Variants in MYO1D observed in about 807,000 individuals in gnomAD.
The protein encoded by MYO1D is unconventional myosin-Id.
A neutral mutation model predicts 122.0 loss-of-function variants in MYO1D; 83 were observed. The observed-to-expected ratio is 0.68, with a 90% CI of 0.57 to 0.82. The LOEUF is 0.82. Among genes scored for constraint, MYO1D ranks in the 40% least tolerant of loss-of-function variants. MYO1D has a pLI of 0.00. For missense variants in MYO1D, 1,157 were observed against 1,269.5 expected, an observed-to-expected ratio of 0.91 and a Z score of 1.35; for synonymous variants, 464 against 446.9, an observed-to-expected ratio of 1.04 and a Z score of -0.48.
rs181445664 is a variant in MYO1D, at chr17:32,535,810, A to G, written c.2865-40895T>C. 2.6e-3 allele frequency among the ~76,000 whole-genome samples: 399 copies of G among 152,324 alleles called. 4 individuals carry two copies. Among genetic ancestry groups the G allele is most frequent in the African/African-American group, 9.2e-3 (383 of 41,572 alleles). On this transcript the variant is annotated intron_variant, in intron 21 of 21. Coordinates refer to ENST00000318217, the MANE Select transcript of MYO1D (RefSeq NM_015194.3). ...TTATAGAATATTTATACAAAACTCA[A>G]TAGCGTTTAGATAATATCTTTGAGG...
chr17:32,751,243 C>T (rs563605846), intron 11 of MYO1D, among the ~76,000 whole-genome samples: 6 of 152,156 alleles, frequency 3.9e-5, no homozygotes, highest in Non-Finnish European at 8.8e-5. Flanking sequence ...AGACAGAAAC[C>T]TCTAATTTAA....
At chr17:32,876,755 GC>G (rs755228138) in intron 1 of MYO1D, 22 bp downstream of exon 1, 6 of 1,488,086 alleles carry the variant, frequency 4.0e-6, no homozygotes, top group Middle Eastern at 1.7e-4. Context: ...TCGCGCCCCT[GC>G]GCGCGGCCGC....
At chr17:32,762,547 A>C (rs2090011999) in intron 8 of MYO1D, among the ~76,000 whole-genome samples, 1 of 152,098 alleles carries the variant, frequency 6.6e-6, no homozygotes, top group Non-Finnish European at 1.5e-5. Context: ...CCCCCATAAC[A>C]TTCTCCATAC....
chr17:32,822,160 G>C (rs112202309), intron 1 of MYO1D, among the ~76,000 whole-genome samples: 5,450 of 152,242 alleles, frequency 0.036, 320 homozygotes, highest in African/African-American at 0.12. Context: ...TTAAGAAAAT[G>C]TGGCACATAT....
At chr17:32,629,609 G>A (rs1461607178) in intron 20 of MYO1D, among the ~76,000 whole-genome samples, 8 of 151,970 alleles carry the variant, frequency 5.3e-5, no homozygotes, top group Non-Finnish European at 1.2e-4. Context: ...GGTGGCGGGC[G>A]CCTGTAATTC....
chr17:32,874,844 C>A (rs1256870252), intron 1 of MYO1D, among the ~76,000 whole-genome samples: 1 of 152,036 alleles, frequency 6.6e-6, no homozygotes, highest in Admixed American at 6.5e-5. Flanking sequence ...CCTTAGTAAT[C>A]TATTTTGAGA....
At chr17:32,550,028 T>C (rs2086997736) in intron 21 of MYO1D, among the ~76,000 whole-genome samples, 2 of 152,132 alleles carry the variant, frequency 1.3e-5, no homozygotes, top group Non-Finnish European at 2.9e-5. Context: ...TCAGTATTAA[T>C]AATATGTTAG....
intron 21 of MYO1D, among the ~76,000 whole-genome samples, chr17:32,587,285 G>A (rs2087396999): frequency 6.6e-6 from 1 of 152,196 alleles, no homozygotes; most frequent in Non-Finnish European, 1.5e-5. Context: ...GCTGAGGTGA[G>A]CGGAACACTT....
chr17:32,538,380 G>A (rs954752564), intron 21 of MYO1D, among the ~76,000 whole-genome samples: 1 of 151,674 alleles, frequency 6.6e-6, no homozygotes, highest in African/African-American at 2.4e-5. Context: ...GAGCTCCTGG[G>A]CTCAAGTGAT....
At chr17:32,857,784 A>C (rs1227431948) in intron 1 of MYO1D, among the ~76,000 whole-genome samples, 1 of 152,066 alleles carries the variant, frequency 6.6e-6, no homozygotes, top group Admixed American at 6.6e-5. Flanking sequence ...TTCCTTAACC[A>C]CCAAAGCTCA....
intron 20 of MYO1D, among the ~76,000 whole-genome samples, chr17:32,611,334 T>G (rs1472219): frequency 0.51 from 77,851 of 152,016 alleles, 20,529 homozygotes; most frequent in Middle Eastern, 0.58. Context: ...AATAGATACT[T>G]TAGAAAATTA....
chr17:32,617,767 A>T (rs2087793753), intron 20 of MYO1D, among the ~76,000 whole-genome samples: 1 of 152,178 alleles, frequency 6.6e-6, no homozygotes, highest in Non-Finnish European at 1.5e-5. Context: ...CTGACCCAAG[A>T]ACATATGACA....
At chr17:32,644,583 T>G (rs775122435) in intron 19 of MYO1D, among the ~76,000 whole-genome samples, 4 of 152,196 alleles carry the variant, frequency 2.6e-5, no homozygotes, top group Non-Finnish European at 4.4e-5. Flanking sequence ...ACTTGCTTTA[T>G]GAATCTGGGT....
In MYO1D at chr17:32,747,569, G is replaced by C. The variant is rs538154932; in HGVS notation, c.1538+1367C>G. Among the ~76,000 whole-genome samples the C allele has an allele frequency of 5.3e-5, 8 of 152,246 alleles. No homozygotes were observed. In the South Asian group the frequency reaches 1.2e-3, roughly 24 times the overall value. ...AGAGGCAGAGCGGCCAGGCTCGGTG[G>C]CTCATGACTGTAATCCTAGCACTTT... On this transcript the variant is annotated intron_variant, in intron 12 of 21. Coordinates refer to ENST00000318217, the MANE Select transcript of MYO1D (RefSeq NM_015194.3).
At chr17:32,763,579 CAAT>C (rs2090024265) in intron 8 of MYO1D, among the ~76,000 whole-genome samples, 1 of 151,936 alleles carries the variant, frequency 6.6e-6, no homozygotes, top group Non-Finnish European at 1.5e-5. Flanking sequence ...ATAAAAGTAA[CAAT>C]AAAATATTAC....
chr17:32,689,178 T>C (rs982270849), intron 16 of MYO1D, among the ~76,000 whole-genome samples: 1 of 152,200 alleles, frequency 6.6e-6, no homozygotes, highest in African/African-American at 2.4e-5. Context: ...ATGTTGTTTA[T>C]AATCGATTTA....
intron 16 of MYO1D, among the ~76,000 whole-genome samples, chr17:32,661,671 C>T (rs2088567675): frequency 6.6e-6 from 1 of 151,582 alleles, no homozygotes; most frequent in African/African-American, 2.4e-5. Context: ...AAAAAAATAC[C>T]CCCCCAAAAA....
intron 17 of MYO1D, among the ~76,000 whole-genome samples, chr17:32,656,502 G>A (rs2088478761): frequency 6.6e-6 from 1 of 152,298 alleles, no homozygotes; most frequent in South Asian, 2.1e-4. Flanking sequence ...AAGGGCAGGA[G>A]ATGAAGGATT....
chr17:32,594,468 C>T, intron 21 of MYO1D: 2 of 478,894 alleles, frequency 4.2e-6, no homozygotes, highest in Non-Finnish European at 7.5e-6. Flanking sequence ...TGTTTCTCAG[C>T]CAGCATCCTC....
Sources: allele counts gnomAD v4.1 joint callset (sites outside exome capture counted in the v4.1 genomes callset), GRCh38; gene constraint gnomAD v4.1.1; transcripts MANE v1.5; gene names NCBI Gene and HGNC (gene_info 2026-07-23, HGNC 2026-07-21).